The following MTHFD2L variants were observed in gnomAD, a reference collection of about 807,000 sequenced individuals.
MTHFD2L encodes bifunctional methylenetetrahydrofolate dehydrogenase/cyclohydrolase 2, mitochondrial.
A neutral mutation model predicts 34.9 loss-of-function variants in MTHFD2L; 29 were observed. The observed-to-expected ratio is 0.83, with a 90% CI of 0.62 to 1.13. The LOEUF (loss-of-function observed/expected upper bound fraction) is 1.13. MTHFD2L is among the 50% of genes most tolerant of loss of function. MTHFD2L has a pLI of 0.00. For missense variants in MTHFD2L, 481 were observed against 446.5 expected, an observed-to-expected ratio of 1.08 and a Z score of -0.70; for synonymous variants, 167 against 155.7, an observed-to-expected ratio of 1.07 and a Z score of -0.54.
chr4:74,289,577 C>T (rs548104458), intron 7 of MTHFD2L, among the ~76,000 whole-genome samples: 1 of 152,280 alleles, frequency 6.6e-6, no homozygotes, highest in South Asian at 2.1e-4. Context: ...AACAGTGTCA[C>T]TCTGGCTACT....
At chr4:74,170,439 A>T (rs959934775) in intron 1 of MTHFD2L, among the ~76,000 whole-genome samples, 3 of 152,208 alleles carry the variant, frequency 2.0e-5, no homozygotes, top group African/African-American at 4.8e-5. Flanking sequence ...CCAAACTAAA[A>T]ATAGACATAA....
intron 6 of MTHFD2L, chr4:74,267,927 G>A: frequency 1.0e-6 from 1 of 985,288 alleles, no homozygotes; most frequent in Non-Finnish European, 1.2e-6. Flanking sequence ...CCTGAGCTCT[G>A]TAAGGAACCT....
At chr4:74,211,623 A>G (rs1469005331) in intron 5 of MTHFD2L, among the ~76,000 whole-genome samples, 1 of 152,216 alleles carries the variant, frequency 6.6e-6, no homozygotes, top group Admixed American at 6.5e-5. Flanking sequence ...GATGTTAATC[A>G]GGGATGTTGG....
At chr4:74,255,141 A>C (rs1427614105) in intron 6 of MTHFD2L, among the ~76,000 whole-genome samples, 3 of 148,286 alleles carry the variant, frequency 2.0e-5, no homozygotes, top group African/African-American at 7.6e-5. Flanking sequence ...ATCTCCAAAA[A>C]AAAAAAAAAA....
At chr4:74,117,622 G>A (rs1013232369) in intron 2 of MTHFD2L, among the ~76,000 whole-genome samples, 15 of 152,192 alleles carry the variant, frequency 9.9e-5, no homozygotes, top group African/African-American at 3.6e-4. Context: ...ATGTTCAAAG[G>A]TTCAAACATT....
intron 5 of MTHFD2L, among the ~76,000 whole-genome samples, chr4:74,212,081 T>G (rs1006489685): frequency 6.6e-6 from 1 of 152,178 alleles, no homozygotes; most frequent in Non-Finnish European, 1.5e-5. Context: ...TCTCTTTGCT[T>G]CTTTATTAGT....
At position 74,235,691 on chromosome 4, in the gene MTHFD2L, T is replaced by C. The variant is rs892658470; in HGVS notation, c.805+10297T>C. On this transcript the variant is annotated intron_variant, in intron 6 of 7. Transcript: ENST00000325278. ...CATCTTTGAAGTGTGTTGGTTGATA[T>C]GGTTACTTCTATAACATTGCCTTCT... 9.2e-5 allele frequency among the ~76,000 whole-genome samples: 14 copies of C among 152,282 alleles called. No individual in the cohort carries two copies. In the East Asian group the frequency reaches 1.9e-3, roughly 21 times the overall value.
In MTHFD2L at chr4:74,269,035, TTAAAG is replaced by T. The variant is rs370888474; in HGVS notation, c.806-12387_806-12383del. On this transcript the variant is annotated intron_variant, in intron 6 of 7. Transcript: ENST00000325278. ...TCCCTTGATGAGAAAGACATAAGCT[TTAAAG>T]TAGTGTGAATCTATATAGATGATCC... 4.9e-4 allele frequency among the ~76,000 whole-genome samples: 74 copies of T among 152,302 alleles called. No homozygotes were observed. In the East Asian group the frequency reaches 8.9e-3, roughly 18 times the overall value.
intron 1 of MTHFD2L, among the ~76,000 whole-genome samples, chr4:74,164,261 T>C (rs774091456): frequency 2.0e-4 from 31 of 152,190 alleles, no homozygotes; most frequent in African/African-American, 7.2e-4. Flanking sequence ...AACTAAGATA[T>C]GGATTTGCCA....
At chr4:74,285,017 A>G (rs1362469607) in intron 7 of MTHFD2L, among the ~76,000 whole-genome samples, 3 of 152,198 alleles carry the variant, frequency 2.0e-5, no homozygotes, top group Non-Finnish European at 4.4e-5. Context: ...GCCATAAAAA[A>G]GGATGACTTC....
chr4:74,200,075 A>T (rs762066746), intron 4 of MTHFD2L, 129 bp downstream of exon 4: 4 of 716,498 alleles, frequency 5.6e-6, no homozygotes, highest in Non-Finnish European at 8.8e-6. Flanking sequence ...ACGTCAGTGT[A>T]CAGAGAGATA....
intron 1 of MTHFD2L, chr4:74,161,884 C>T (rs1560427468): frequency 6.6e-6 from 1 of 152,156 alleles, no homozygotes; most frequent in Non-Finnish European, 1.5e-5. Context: ...TGAAATTACA[C>T]TTTGGCTTAG....
At chr4:74,117,381 A>G (rs1721672448) in intron 2 of MTHFD2L, among the ~76,000 whole-genome samples, 1 of 152,234 alleles carries the variant, frequency 6.6e-6, no homozygotes, top group Non-Finnish European at 1.5e-5. Flanking sequence ...AGAGGAAATC[A>G]ACCAGGAAGT....
At chr4:74,265,397 T>A (rs1474873466) in intron 6 of MTHFD2L, among the ~76,000 whole-genome samples, 1 of 152,126 alleles carries the variant, frequency 6.6e-6, no homozygotes, top group Non-Finnish European at 1.5e-5. Context: ...TGGCAGAGGG[T>A]AAGTGGAAAC....
At chr4:74,174,034 C>G (rs1728540302) in intron 1 of MTHFD2L, among the ~76,000 whole-genome samples, 1 of 152,184 alleles carries the variant, frequency 6.6e-6, no homozygotes, top group East Asian at 1.9e-4. Context: ...GGTCAGTACA[C>G]CAGAAGGTTC....
At chr4:74,149,807 C>T (rs933620071) in intron 1 of MTHFD2L, among the ~76,000 whole-genome samples, 1 of 152,130 alleles carries the variant, frequency 6.6e-6, no homozygotes, top group South Asian at 2.1e-4. Flanking sequence ...AGAGTGCTCC[C>T]CCCAAAAAAT....
intron 5 of MTHFD2L, among the ~76,000 whole-genome samples, chr4:74,220,988 G>T: frequency 6.7e-6 from 1 of 150,240 alleles, no homozygotes; most frequent in Non-Finnish European, 1.5e-5. Flanking sequence ...TATTTTATAG[G>T]ATCTAATATG....
chr4:74,245,142 C>G (rs944390510), intron 6 of MTHFD2L, among the ~76,000 whole-genome samples: 14 of 133,758 alleles, frequency 1.0e-4, no homozygotes, highest in African/African-American at 4.0e-4. Flanking sequence ...TTGCAGTGAG[C>G]TGAGATCGCG....
intron 6 of MTHFD2L, among the ~76,000 whole-genome samples, chr4:74,251,400 G>T (rs897473462): frequency 6.6e-6 from 1 of 152,126 alleles, no homozygotes; most frequent in Admixed American, 6.6e-5. Context: ...CTATCATTTG[G>T]TGGTTGTGAT....
Sources: gnomAD v4.1 joint callset for allele counts (sites outside exome capture counted in the v4.1 genomes callset) on GRCh38, gnomAD v4.1.1 for gene constraint, MANE v1.5 for transcripts, NCBI Gene and HGNC (gene_info 2026-07-23, HGNC 2026-07-21) for gene names.